TRPM3: variants seen among roughly 807,000 people sequenced by gnomAD.
TRPM3 encodes long transient receptor potential channel 3.
TRPM3 carries 77 observed loss-of-function variants against 181.2 expected under a neutral mutation model. That is an observed-to-expected ratio of 0.42 (90% CI 0.35 to 0.51). The LOEUF is 0.51. TRPM3 is among the 20% of genes least tolerant of loss of function. The pLI, the probability that TRPM3 is intolerant of heterozygous loss-of-function variation, is 0.01. For synonymous variants in TRPM3, 745 were observed against 796.4 expected (o/e 0.94, Z 1.09); for missense variants, 1,759 against 2,196.7 (o/e 0.80, Z 3.98).
At chr9:70,850,078 ATTGAT>A (rs1250336577) in intron 3 of TRPM3, among the ~76,000 whole-genome samples, 3 of 152,200 alleles carry the variant, frequency 2.0e-5, no homozygotes, top group Non-Finnish European at 4.4e-5. Flanking sequence ...TTGTTTCTAT[ATTGAT>A]TTGATTTATC....
At chr9:71,021,143 C>T (rs1247989130) in intron 1 of TRPM3, among the ~76,000 whole-genome samples, 6 of 152,106 alleles carry the variant, frequency 3.9e-5, no homozygotes, top group Non-Finnish European at 7.3e-5. Flanking sequence ...AATATTGTAT[C>T]TCTCAATTTA....
chr9:71,203,849 A>G (rs1353855569), intron 1 of TRPM3, among the ~76,000 whole-genome samples: 2 of 152,020 alleles, frequency 1.3e-5, no homozygotes, highest in Non-Finnish European at 2.9e-5. Context: ...CATCACAATC[A>G]TCATCATCAT....
At chr9:71,123,185 A>G (rs953910829), upstream of TRPM3, among the ~76,000 whole-genome samples, 1 of 152,222 alleles carries the variant, frequency 6.6e-6, no homozygotes, top group African/African-American at 2.4e-5. Flanking sequence ...GACTTCAGGA[A>G]TAAAACCACT....
intron 7 of TRPM3, among the ~76,000 whole-genome samples, chr9:70,780,525 GT>G (rs2082236860): frequency 6.8e-6 from 1 of 147,108 alleles, no homozygotes; most frequent in African/African-American, 2.4e-5. Flanking sequence ...TAAGGTCTAG[GT>G]GGGCCATTTT....
intron 1 of TRPM3, among the ~76,000 whole-genome samples, chr9:71,284,116 G>GTT (rs5898193): frequency 0.06 from 9,078 of 152,034 alleles, 552 homozygotes; most frequent in African/African-American, 0.15. Flanking sequence ...GCTTCAATGG[G>GTT]TTTTTTACCA....
At chr9:70,544,747 AG>A (rs889230861) in intron 25 of TRPM3, among the ~76,000 whole-genome samples, 1 of 152,038 alleles carries the variant, frequency 6.6e-6, no homozygotes. Flanking sequence ...AATGATCTAA[AG>A]GGGGGAAAAA....
At chr9:70,657,104 T>C (rs2060458324) in intron 9 of TRPM3, among the ~76,000 whole-genome samples, 1 of 151,356 alleles carries the variant, frequency 6.6e-6, no homozygotes, top group African/African-American at 2.4e-5. Flanking sequence ...TAAGAGGATT[T>C]ATATACATAA....
chr9:71,325,148 T>G (rs995087414), intron 1 of TRPM3, among the ~76,000 whole-genome samples: 7 of 152,092 alleles, frequency 4.6e-5, no homozygotes, highest in African/African-American at 1.7e-4. Flanking sequence ...CTCACATACC[T>G]CACAAGTTTG....
rs2094954695 is a variant in TRPM3 at position 70,846,380 on chromosome 9, G to A, written c.674C>T (p.Thr225Ile). ...TTCTCTGTTCCACTTGCAATTACCT[G>A]TGTTAACCCCTCCAGTGAATATCCA... is the stretch of plus-strand genomic sequence containing the variant. ...GAWIFTGGVN[T>I]GVIRHVGDAL... The change falls in exon 4 of 26, where the codon ACA becomes ATA. Residue 225 changes from threonine to isoleucine, a missense_variant and splice_region_variant. By Grantham distance (89) the Thr-to-Ile change is moderately conservative. Around this residue, in one of 8 missense-constraint regions of TRPM3, gnomAD observed 737 missense variants for 957.4 expected, o/e 0.77. Coordinates refer to ENST00000677713, the MANE Select transcript of TRPM3 (RefSeq NM_001366145.2). 2 of 1,613,440 alleles carry A rather than the reference G, an allele frequency of 1.2e-6. No individual in the cohort carries two copies. The highest frequency in any genetic ancestry group is 1.3e-5 in the African/African-American group (1 of 74,882).
At chr9:71,116,829 T>C (rs2134302471) in intron 1 of TRPM3, among the ~76,000 whole-genome samples, 1 of 152,324 alleles carries the variant, frequency 6.6e-6, no homozygotes, top group African/African-American at 2.4e-5. Context: ...ACAGTGACAT[T>C]ACTGACTGAA....
In TRPM3 at chr9:71,150,106, G is replaced by A. The variant is rs17056345; in HGVS notation, c.184-285595C>T. ...TAACTGAAAAAGTTAAAAAAAATTA[G>A]AGGGCAGAAATGTTGTAGAATTTAA... is the stretch of plus-strand genomic sequence containing the variant. On this transcript the variant is annotated intron_variant, in intron 1 of 24. Coordinates refer to the TRPM3 transcript ENST00000357533. Among the ~76,000 whole-genome samples the A allele has an allele frequency of 2.5e-3, 384 of 152,048 alleles. 5 individuals carry two copies. The highest frequency in any genetic ancestry group is 0.015 in the South Asian group (70 of 4,810).
intron 8 of TRPM3, among the ~76,000 whole-genome samples, chr9:70,698,261 C>T (rs73460930): frequency 0.02 from 3,006 of 151,660 alleles, 110 homozygotes; most frequent in African/African-American, 0.067. Context: ...CTTCTTCAAG[C>T]CGATTCTCCA....
chr9:71,420,747 AAGAGAGAGAAAG>A (rs2093728374), intron 1 of TRPM3, among the ~76,000 whole-genome samples: 2 of 83,904 alleles, frequency 2.4e-5, no homozygotes, highest in African/African-American at 5.4e-5. Context: ...AAGAGAGAGA[AAGAGAGAGAAAG>A]AGAGAGAAAG....
chr9:70,659,784 G>A (rs1248598015), intron 9 of TRPM3, among the ~76,000 whole-genome samples: 1 of 151,730 alleles, frequency 6.6e-6, no homozygotes, highest in African/African-American at 2.4e-5. Context: ...TCTTAATTTG[G>A]AGTCACAAAA....
chr9:71,209,424 C>T (rs2079338389), intron 1 of TRPM3, among the ~76,000 whole-genome samples: 1 of 151,724 alleles, frequency 6.6e-6, no homozygotes, highest in African/African-American at 2.4e-5. Flanking sequence ...GAGAGACTGA[C>T]TTCTTTTCTT....
rs778188849 is a variant in TRPM3, at chr9:70,811,275, A to G, written c.973+16572T>C. On this transcript the variant is annotated intron_variant, in intron 6 of 25. Coordinates refer to ENST00000677713, the MANE Select transcript of TRPM3 (RefSeq NM_001366145.2). ...AAAAAATAAAATCTTTGAAATTTCT[A>G]CACCCTGTGGTTGCATACACATTTT... 13 of 1,561,378 alleles carry G rather than the reference A, an allele frequency of 8.3e-6. No individual in the cohort carries two copies. The African/African-American group carries it at 1.5e-4, about 18-fold the overall frequency.
intron 1 of TRPM3, among the ~76,000 whole-genome samples, chr9:71,286,515 T>C (rs1258104628): frequency 6.6e-6 from 1 of 152,110 alleles, no homozygotes; most frequent in Non-Finnish European, 1.5e-5. Context: ...CCAAAGGAGT[T>C]ACAATGAGTG....
At chr9:71,029,196 T>C (rs1220528928) in intron 1 of TRPM3, among the ~76,000 whole-genome samples, 6 of 152,170 alleles carry the variant, frequency 3.9e-5, no homozygotes, top group Non-Finnish European at 7.3e-5. Context: ...CTCTGGGATA[T>C]AGCTAAGAAA....
intron 1 of TRPM3, among the ~76,000 whole-genome samples, chr9:71,092,906 C>T (rs992238844): frequency 6.6e-6 from 1 of 152,006 alleles, no homozygotes; most frequent in Non-Finnish European, 1.5e-5. Context: ...ATATATAGAC[C>T]AATGGAATAG....
Sources: allele counts gnomAD v4.1 joint callset (sites outside exome capture counted in the v4.1 genomes callset), GRCh38; gene constraint gnomAD v4.1.1; regional missense constraint gnomAD v4.1.1; transcripts MANE v1.5; gene names NCBI Gene and HGNC (gene_info 2026-07-23, HGNC 2026-07-21).